Variants in MARCHF1 observed in about 807,000 individuals in gnomAD.
MARCHF1 encodes the protein membrane associated ring-CH-type finger 1.
MARCHF1 carries 40 observed loss-of-function variants against 54.2 expected under a neutral mutation model. The observed-to-expected ratio is 0.74, with a 90% confidence interval of 0.57 to 0.96. The LOEUF is 0.96. Among genes scored for constraint, MARCHF1 ranks in the 40% least tolerant of loss-of-function variants. MARCHF1 has a pLI of 0.00. For synonymous variants in MARCHF1, 236 were observed against 236.3 expected (o/e 1.00, Z 0.01); for missense variants, 586 against 656.5 (o/e 0.89, Z 1.17).
At chr4:163,700,448 T>C (rs1450638175) in intron 5 of MARCHF1, among the ~76,000 whole-genome samples, 2 of 151,160 alleles carry the variant, frequency 1.3e-5, no homozygotes, top group Non-Finnish European at 2.9e-5. Context: ...GAGGTTGCAG[T>C]GAGCCAAGAT....
intron 4 of MARCHF1, among the ~76,000 whole-genome samples, chr4:163,751,333 T>C (rs960040385): frequency 6.6e-6 from 1 of 152,064 alleles, no homozygotes; most frequent in Non-Finnish European, 1.5e-5. Flanking sequence ...GTGCTAGGCT[T>C]TATTACCATT....
At chr4:163,988,212 C>A (rs893035259) in intron 3 of MARCHF1, among the ~76,000 whole-genome samples, 1 of 152,158 alleles carries the variant, frequency 6.6e-6, no homozygotes, top group Non-Finnish European at 1.5e-5. Flanking sequence ...ACCCACAAGC[C>A]ATAAAAGTCA....
chr4:163,619,376 G>A (rs111368353), intron 5 of MARCHF1, among the ~76,000 whole-genome samples: 1 of 152,040 alleles, frequency 6.6e-6, no homozygotes, highest in Non-Finnish European at 1.5e-5. Context: ...ATCCCAACAG[G>A]TTGTTTTATT....
chr4:163,782,814 A>C lies in MARCHF1; in HGVS notation c.111+71207T>G, dbSNP rs1190555785. On this transcript the variant is annotated intron_variant, in intron 4 of 9. Transcript: ENST00000514618. ...AAGTGTAGCAGTATCAGGAAGAAAGAATATGAAGTACTAGAACTAGGATTT... is the reference window on the plus strand; with the variant it reads ...AAGTGTAGCAGTATCAGGAAGAAAGCATATGAAGTACTAGAACTAGGATTT... Among the ~76,000 whole-genome samples the C allele has an allele frequency of 2.6e-5, 4 of 152,188 alleles. No individual in the cohort carries two copies. In the East Asian group the frequency reaches 7.7e-4, roughly 29 times the overall value.
chr4:163,631,879 A>G (rs569315529), intron 5 of MARCHF1, among the ~76,000 whole-genome samples: 36 of 152,340 alleles, frequency 2.4e-4, no homozygotes, highest in African/African-American at 8.7e-4. Flanking sequence ...GCCAACCTAC[A>G]TACAGAGAAA....
At chr4:164,172,784 T>C (rs1730560896) in intron 1 of MARCHF1, among the ~76,000 whole-genome samples, 1 of 152,148 alleles carries the variant, frequency 6.6e-6, no homozygotes, top group African/African-American at 2.4e-5. Context: ...GAGACCATCC[T>C]GGCTAACACG....
chr4:164,211,357 C>CTATATATATAT lies in MARCHF1; in HGVS notation c.-322-99696_-322-99695insATATATATATA, dbSNP rs1560956008. Among the ~76,000 whole-genome samples the CTATATATATAT allele has an allele frequency of 4.0e-4, 40 of 100,084 alleles. 1 individual carries two copies. Among genetic ancestry groups the CTATATATATAT allele is most frequent in the Non-Finnish European group, 5.2e-4 (21 of 40,194 alleles). 65.7% of individuals were successfully genotyped at this position (100,084 alleles called of 152,430 possible). A position where few individuals can be genotyped will look rare whatever the true frequency, so the allele number is the denominator to read the frequency against. On this transcript the variant is annotated intron_variant, in intron 1 of 9. Transcript: ENST00000514618. ...TATATATATATATATATATATATAC[C>CTATATATATAT]ACATTGCAACCTGCATATTTGTATA... is the stretch of plus-strand genomic sequence containing the variant.
intron 3 of MARCHF1, among the ~76,000 whole-genome samples, chr4:163,864,324 A>G (rs1433233266): frequency 4.8e-5 from 7 of 147,168 alleles, no homozygotes; most frequent in Admixed American, 4.4e-4. Context: ...TAATCATCAG[A>G]AAAAAAAAAT....
intron 3 of MARCHF1, among the ~76,000 whole-genome samples, chr4:163,970,807 A>T (rs914718682): frequency 1.3e-5 from 2 of 152,190 alleles, no homozygotes; most frequent in African/African-American, 4.8e-5. Flanking sequence ...TTTATGTAAA[A>T]TCTTTATTCT....
At chr4:164,249,490 A>T (rs1476563052) in intron 1 of MARCHF1, among the ~76,000 whole-genome samples, 1 of 152,084 alleles carries the variant, frequency 6.6e-6, no homozygotes, top group East Asian at 1.9e-4. Context: ...TAGGCAAGAA[A>T]GAAAAAGAGA....
At chr4:164,156,641 C>G (rs1320322815) in intron 1 of MARCHF1, among the ~76,000 whole-genome samples, 2 of 152,120 alleles carry the variant, frequency 1.3e-5, no homozygotes, top group African/African-American at 4.8e-5. Flanking sequence ...AGGTCGGTCT[C>G]AAACTCCTGA....
chr4:164,195,016 C>T (rs1233328731), intron 1 of MARCHF1, among the ~76,000 whole-genome samples: 1 of 151,798 alleles, frequency 6.6e-6, no homozygotes, highest in Admixed American at 6.6e-5. Flanking sequence ...GCCCTGTATC[C>T]GTATGTTCTC....
At chr4:164,036,840 C>A (rs978435784) in intron 2 of MARCHF1, among the ~76,000 whole-genome samples, 2 of 151,224 alleles carry the variant, frequency 1.3e-5, no homozygotes, top group Non-Finnish European at 2.9e-5. Context: ...GGGTGGGGGG[C>A]AATGTAATTT....
chr4:164,199,669 CACACACACACACAG>C (rs1300070940), intron 1 of MARCHF1, among the ~76,000 whole-genome samples: 183 of 60,818 alleles, frequency 3.0e-3, no homozygotes, highest in African/African-American at 0.011. Flanking sequence ...CACACACACA[CACACACACACACAG>C]AGAGAGAGAG....
At chr4:163,995,007 T>C (rs2110903246) in intron 2 of MARCHF1, among the ~76,000 whole-genome samples, 1 of 152,154 alleles carries the variant, frequency 6.6e-6, no homozygotes, top group Admixed American at 6.5e-5. Flanking sequence ...AACAAGCAAT[T>C]CTGCAGCAGA....
At chr4:163,885,796 G>A (rs1287437485) in intron 3 of MARCHF1, among the ~76,000 whole-genome samples, 1 of 151,876 alleles carries the variant, frequency 6.6e-6, no homozygotes, top group Non-Finnish European at 1.5e-5. Context: ...GGGGGTGCAG[G>A]TGCACTGGCT....
chr4:164,291,738 T>C (rs544359807), intron 1 of MARCHF1, among the ~76,000 whole-genome samples: 1 of 152,150 alleles, frequency 6.6e-6, no homozygotes, highest in African/African-American at 2.4e-5. Flanking sequence ...TAGTAGGAAT[T>C]TGCATATCTA....
intron 3 of MARCHF1, among the ~76,000 whole-genome samples, chr4:163,950,991 G>C (rs1323647414): frequency 6.6e-6 from 1 of 152,164 alleles, no homozygotes; most frequent in Non-Finnish European, 1.5e-5. Context: ...AAATGTCATA[G>C]TATCAGAGAG....
intron 1 of MARCHF1, among the ~76,000 whole-genome samples, chr4:164,180,185 G>T (rs1168382784): frequency 2.6e-5 from 4 of 151,834 alleles, no homozygotes; most frequent in African/African-American, 7.3e-5. Flanking sequence ...TAGGCACAGG[G>T]TTATACATTT....
Sources: allele counts gnomAD v4.1 joint callset (sites outside exome capture counted in the v4.1 genomes callset), GRCh38; gene constraint gnomAD v4.1.1; transcripts MANE v1.5; gene names NCBI Gene and HGNC (gene_info 2026-07-23, HGNC 2026-07-21).